KCNH7: variants seen among roughly 807,000 people sequenced by gnomAD.
KCNH7 encodes the protein potassium voltage-gated channel subfamily H member 7, also known as voltage-gated inwardly rectifying potassium channel KCNH7.
Under a neutral mutation model 120.8 loss-of-function variants are expected in KCNH7, and 49 were observed. That is an observed-to-expected ratio of 0.41 (90% CI 0.32 to 0.51). KCNH7 has a LOEUF of 0.51. Ranked by LOEUF, KCNH7 falls within the 20% of genes least tolerant of loss-of-function variation. The pLI is 0.38. For synonymous variants in KCNH7, 547 were observed against 516.1 expected (o/e 1.06, Z -0.81); for missense variants, 1,097 against 1,446.6 (o/e 0.76, Z 3.92).
At chr2:162,776,362 A>T (rs1446726003) in intron 2 of KCNH7, among the ~76,000 whole-genome samples, 1 of 152,186 alleles carries the variant, frequency 6.6e-6, no homozygotes, top group African/African-American at 2.4e-5. Context: ...CTCTCTGTTA[A>T]GTGTAGTTAA....
intron 2 of KCNH7, among the ~76,000 whole-genome samples, chr2:162,568,925 G>A (rs1693359601): frequency 6.6e-6 from 1 of 152,040 alleles, no homozygotes; most frequent in Non-Finnish European, 1.5e-5. Context: ...CGGTTTGCCA[G>A]TATTTTATTG....
At chr2:162,598,652 A>T (rs1293103484) in intron 2 of KCNH7, among the ~76,000 whole-genome samples, 1 of 152,138 alleles carries the variant, frequency 6.6e-6, no homozygotes, top group Non-Finnish European at 1.5e-5. Context: ...CTGTATTTAT[A>T]ACTATAAAAG....
At chr2:162,568,825 T>A (rs905037665) in intron 2 of KCNH7, among the ~76,000 whole-genome samples, 2 of 152,094 alleles carry the variant, frequency 1.3e-5, no homozygotes, top group Non-Finnish European at 2.9e-5. Context: ...AACATAAATG[T>A]ATGACATAAA....
At chr2:162,453,062 T>C (rs1351723752) in intron 6 of KCNH7, among the ~76,000 whole-genome samples, 2 of 151,994 alleles carry the variant, frequency 1.3e-5, no homozygotes, top group African/African-American at 4.8e-5. Flanking sequence ...ATCTAGCTTT[T>C]AAGCCCCACA....
intron 8 of KCNH7, 79 bp downstream of exon 8, chr2:162,435,119 C>T: frequency 1.5e-6 from 2 of 1,321,220 alleles, no homozygotes; most frequent in Non-Finnish European, 2.1e-6. Context: ...TTTTCTTTGC[C>T]TTACTCTAAA....
intron 2 of KCNH7, among the ~76,000 whole-genome samples, chr2:162,827,899 C>A (rs1685341845): frequency 6.6e-6 from 1 of 152,104 alleles, no homozygotes; most frequent in Admixed American, 6.6e-5. Flanking sequence ...GAACCAGTCA[C>A]TGAGTTGGAA....
chr2:162,520,741 C>G (rs1050516863), intron 3 of KCNH7, among the ~76,000 whole-genome samples: 1 of 151,782 alleles, frequency 6.6e-6, no homozygotes, highest in African/African-American at 2.4e-5. Context: ...TGCACTCCAG[C>G]CTAAGTGACA....
At chr2:162,410,286 C>T (rs73014857) in intron 9 of KCNH7, among the ~76,000 whole-genome samples, 12,681 of 151,908 alleles carry the variant, frequency 0.083, 1,702 homozygotes, top group African/African-American at 0.28. Flanking sequence ...CACATACAGC[C>T]ACCTGATTTT....
intron 2 of KCNH7, among the ~76,000 whole-genome samples, chr2:162,769,726 T>C (rs568891002): frequency 6.6e-6 from 1 of 152,104 alleles, no homozygotes; most frequent in South Asian, 2.1e-4. Flanking sequence ...TGCACATATA[T>C]GCATATGTAT....
At chr2:162,399,441 A>G (rs1687008796) in intron 10 of KCNH7, among the ~76,000 whole-genome samples, 1 of 151,810 alleles carries the variant, frequency 6.6e-6, no homozygotes, top group South Asian at 2.1e-4. Flanking sequence ...TTACATATGT[A>G]TACGTGTGCC....
At chr2:162,754,249 G>T (rs1223923501) in intron 2 of KCNH7, among the ~76,000 whole-genome samples, 3 of 151,992 alleles carry the variant, frequency 2.0e-5, no homozygotes, top group Non-Finnish European at 4.4e-5. Flanking sequence ...AGATCAAGAG[G>T]CAGCAGTCTG....
chr2:162,494,036 A>C (rs1002063384), intron 6 of KCNH7, among the ~76,000 whole-genome samples: 1 of 152,198 alleles, frequency 6.6e-6, no homozygotes, highest in Non-Finnish European at 1.5e-5. Context: ...TATTTAACAA[A>C]GATTTGTAAA....
chr2:162,611,223 G>A (rs1278979718), intron 2 of KCNH7, among the ~76,000 whole-genome samples: 1 of 152,168 alleles, frequency 6.6e-6, no homozygotes, highest in Non-Finnish European at 1.5e-5. Context: ...GCTGATTATG[G>A]CAATGACATA....
intron 3 of KCNH7, among the ~76,000 whole-genome samples, chr2:162,530,913 T>C (rs1387228161): frequency 6.6e-6 from 1 of 151,926 alleles, no homozygotes; most frequent in Non-Finnish European, 1.5e-5. Flanking sequence ...TTTCTTTAAC[T>C]TTTCTGCTTG....
chr2:162,811,354 A>G (rs1684727578), intron 2 of KCNH7, among the ~76,000 whole-genome samples: 1 of 152,158 alleles, frequency 6.6e-6, no homozygotes, highest in Non-Finnish European at 1.5e-5. Context: ...ACATTATGAA[A>G]AGGTTAAATG....
intron 5 of KCNH7, among the ~76,000 whole-genome samples, chr2:162,506,787 ACTC>A (rs1413970017): frequency 4.6e-5 from 7 of 151,696 alleles, no homozygotes; most frequent in African/African-American, 1.7e-4. Context: ...GTGCCAATAA[ACTC>A]CTCTGAATTG....
At chr2:162,403,654 G>A (rs1244711241) in intron 9 of KCNH7, among the ~76,000 whole-genome samples, 1 of 151,890 alleles carries the variant, frequency 6.6e-6, no homozygotes, top group East Asian at 1.9e-4. Context: ...TACAATGTTG[G>A]CATGAACTTG....
intron 6 of KCNH7, among the ~76,000 whole-genome samples, chr2:162,484,810 G>T (rs758418864): frequency 5.9e-5 from 9 of 152,060 alleles, no homozygotes; most frequent in Non-Finnish European, 1.2e-4. Context: ...ACCTCCCTTT[G>T]TCTCTGTTGC....
intron 2 of KCNH7, among the ~76,000 whole-genome samples, chr2:162,624,000 T>C (rs1391034261): frequency 1.3e-5 from 2 of 152,156 alleles, no homozygotes; most frequent in South Asian, 2.1e-4. Flanking sequence ...AGCAAGACAA[T>C]ATCTCATGCC....
Sources: allele counts gnomAD v4.1 joint callset (sites outside exome capture counted in the v4.1 genomes callset), GRCh38; gene constraint gnomAD v4.1.1; transcripts MANE v1.5; gene names NCBI Gene and HGNC (gene_info 2026-07-23, HGNC 2026-07-21).